The following DPH6 variants were observed in gnomAD, a reference collection of about 807,000 sequenced individuals.
DPH6 encodes diphthamine biosynthesis 6.
A neutral mutation model predicts 38.2 loss-of-function variants in DPH6; 33 were observed. The ratio of observed to expected loss-of-function variants is 0.86; its 90% CI spans 0.65 to 1.15. The LOEUF (loss-of-function observed/expected upper bound fraction) is 1.15. Ranked by LOEUF, DPH6 falls within the 50% of genes most tolerant of loss-of-function variation. DPH6 has a pLI of 0.00. For missense variants in DPH6, 325 were observed against 320.0 expected, an observed-to-expected ratio of 1.02 and a Z score of -0.12; for synonymous variants, 108 against 103.0, an observed-to-expected ratio of 1.05 and a Z score of -0.30.
At chr15:35,340,250 T>C (rs1430519207) in intron 3 of DPH6, among the ~76,000 whole-genome samples, 3 of 132,690 alleles carry the variant, frequency 2.3e-5, no homozygotes, top group African/African-American at 9.7e-5. Flanking sequence ...CTCCATTCCT[T>C]TATTTTGAGC....
At chr15:35,407,252 A>AT (rs935585039) in intron 6 of DPH6, among the ~76,000 whole-genome samples, 5 of 134,262 alleles carry the variant, frequency 3.7e-5, no homozygotes, top group Admixed American at 7.4e-5. Context: ...GAATTTATGC[A>AT]TTTTTTTTTA....
At chr15:35,342,974 C>A (rs2052433727) in intron 3 of DPH6, among the ~76,000 whole-genome samples, 2 of 152,126 alleles carry the variant, frequency 1.3e-5, no homozygotes, top group Admixed American at 1.3e-4. Flanking sequence ...TTCTTCTTAC[C>A]CTCACTGTGA....
intron 3 of DPH6, among the ~76,000 whole-genome samples, chr15:35,296,101 G>A (rs531374043): frequency 1.8e-4 from 27 of 151,648 alleles, no homozygotes; most frequent in African/African-American, 5.3e-4. Flanking sequence ...TACCATGTCC[G>A]GCTAATTTTT....
At chr15:35,165,824 G>A in the DPH6 span, among the ~76,000 whole-genome samples, 2 of 151,872 alleles carry the variant, frequency 1.3e-5, no homozygotes, top group Admixed American at 6.6e-5. Flanking sequence ...ACGGCAATTT[G>A]ACTTCAGAAG....
intron 3 of DPH6, chr15:35,298,337 C>T (rs980110015): frequency 1.1e-5 from 7 of 631,454 alleles, no homozygotes; most frequent in African/African-American, 1.1e-4. Flanking sequence ...ACCTCCCATT[C>T]GAGTCAATAA....
intron 3 of DPH6, among the ~76,000 whole-genome samples, chr15:35,456,473 ATT>A (rs71417008): frequency 2.6e-4 from 23 of 87,366 alleles, no homozygotes; most frequent in South Asian, 5.1e-4. Context: ...ATATATATAT[ATT>A]TATTTATTTA....
At position 35,381,912 on chromosome 15, in the gene DPH6, G is replaced by A; in HGVS notation, c.572C>T (p.Ser191Phe). The A allele has an allele frequency of 6.2e-7, 1 of 1,609,230 alleles. No individual in the cohort carries two copies. The part of the protein sequence containing the change: ...DQMEPYLIEL[S>F]KKYGVHVCGE... ...ACAAACATGTACTCCATACTTCTTA[G>A]AAAGCTGAAAATAGGAAAACACAAA... The change falls in exon 7 of 9, where the codon TCT (serine) becomes TTT (phenylalanine). Residue 191 changes from serine (S) to phenylalanine (F), a missense_variant. Physicochemically the swap from Ser to Phe is radical, Grantham distance 155. Transcript: ENST00000256538.
At chr15:35,437,209 G>A (rs1181132204) in intron 5 of DPH6, among the ~76,000 whole-genome samples, 7 of 152,082 alleles carry the variant, frequency 4.6e-5, no homozygotes, top group African/African-American at 1.7e-4. Flanking sequence ...AACCAGGAAC[G>A]CCTCGCTCCC....
chr15:35,453,544 A>G (rs1031997723), intron 4 of DPH6, among the ~76,000 whole-genome samples: 3 of 152,144 alleles, frequency 2.0e-5, no homozygotes, highest in Non-Finnish European at 4.4e-5. Flanking sequence ...TCTGCAGATC[A>G]GTTGTTCTCA....
chr15:35,348,867 G>A (rs1281668749), intron 3 of DPH6, among the ~76,000 whole-genome samples: 1 of 151,616 alleles, frequency 6.6e-6, no homozygotes, highest in East Asian at 1.9e-4. Context: ...TTTTCCTCCT[G>A]GAGCAACTAT....
chr15:35,218,008 T>A (rs1186540731), exon 4 of DPH6: 1 of 152,204 alleles, frequency 6.6e-6, no homozygotes, highest in Non-Finnish European at 1.5e-5. Context: ...TTTTACTGAG[T>A]AATCACAAGA....
intron 5 of DPH6, among the ~76,000 whole-genome samples, chr15:35,419,098 CTT>C (rs1324363481): frequency 7.3e-5 from 11 of 151,704 alleles, no homozygotes; most frequent in African/African-American, 2.7e-4. Flanking sequence ...CACACACACT[CTT>C]GAAATCTCTT....
At chr15:35,278,463 C>T (rs147675103) in intron 3 of DPH6, among the ~76,000 whole-genome samples, 76 of 152,324 alleles carry the variant, frequency 5.0e-4, no homozygotes, top group African/African-American at 1.8e-3. Context: ...GGTAGAGCCC[C>T]CGCAGAGAGG....
chr15:35,385,512 GA>G (rs1165849206), intron 6 of DPH6, among the ~76,000 whole-genome samples: 1 of 152,056 alleles, frequency 6.6e-6, no homozygotes, highest in Non-Finnish European at 1.5e-5. Flanking sequence ...ACTAACACAG[GA>G]ACAGAAAACC....
intron 6 of DPH6, among the ~76,000 whole-genome samples, chr15:35,409,564 C>T (rs565865566): frequency 9.2e-5 from 14 of 152,058 alleles, no homozygotes; most frequent in Non-Finnish European, 2.1e-4. Flanking sequence ...CTTCAAATTT[C>T]GGAAATAGCT....
intron 8 of DPH6, 142 bp from the exon 9 acceptor site, chr15:35,372,345 T>C: frequency 3.0e-6 from 2 of 674,286 alleles, no homozygotes; most frequent in Non-Finnish European, 2.2e-6. Flanking sequence ...TATTGCTTCT[T>C]TGAGGTGTCA....
intron 3 of DPH6, among the ~76,000 whole-genome samples, chr15:35,531,799 A>T (rs1020661065): frequency 4.6e-5 from 7 of 152,044 alleles, no homozygotes; most frequent in African/African-American, 1.7e-4. Flanking sequence ...ACATTTTTTT[A>T]CTAAACTTAT....
At chr15:35,192,027 G>A in the DPH6 span, among the ~76,000 whole-genome samples, 1 of 152,198 alleles carries the variant, frequency 6.6e-6, no homozygotes, top group Non-Finnish European at 1.5e-5. Flanking sequence ...TGTGCAGCAA[G>A]CAACAGGACC....
downstream of DPH6, among the ~76,000 whole-genome samples, chr15:35,366,336 T>A (rs73376774): frequency 0.022 from 3,393 of 151,590 alleles, 53 homozygotes; most frequent in African/African-American, 0.045. Context: ...CAATCCCCCA[T>A]TGTGAGTAAT....
Sources: allele counts gnomAD v4.1 joint callset (sites outside exome capture counted in the v4.1 genomes callset), GRCh38; gene constraint gnomAD v4.1.1; transcripts MANE v1.5; gene names NCBI Gene and HGNC (gene_info 2026-07-23, HGNC 2026-07-21).